The following NR2F1-AS1 variants were observed in gnomAD, a reference collection of about 807,000 sequenced individuals.
NR2F1-AS1 encodes the protein NR2F1 regulatory antisense RNA 1.
chr5:93,571,778 A>G (rs1051302944), intron 1 of NR2F1-AS1, among the ~76,000 whole-genome samples: 4 of 151,882 alleles, frequency 2.6e-5, no homozygotes, highest in Non-Finnish European at 4.4e-5. Flanking sequence ...TCCAAAGGTA[A>G]AACAAGAGAC....
chr5:93,526,782 G>T (rs565139373), intron 4 of NR2F1-AS1, among the ~76,000 whole-genome samples: 1 of 152,060 alleles, frequency 6.6e-6, no homozygotes, highest in African/African-American at 2.4e-5. Context: ...AAAGGCCTTC[G>T]ATAAAATTTA....
chr5:93,422,837 C>T (rs962031965), intron 4 of NR2F1-AS1, among the ~76,000 whole-genome samples: 1 of 152,200 alleles, frequency 6.6e-6, no homozygotes, highest in Middle Eastern at 3.4e-3. Flanking sequence ...AACAATTTTC[C>T]TCAGCTGGAT....
At chr5:93,483,876 T>C (rs1750655976) in intron 4 of NR2F1-AS1, among the ~76,000 whole-genome samples, 1 of 152,028 alleles carries the variant, frequency 6.6e-6, no homozygotes, top group South Asian at 2.1e-4. Context: ...CTCAATGAAA[T>C]AAACTGTGAA....
chr5:93,446,816 C>T (rs1405493985), intron 4 of NR2F1-AS1, among the ~76,000 whole-genome samples: 1 of 152,136 alleles, frequency 6.6e-6, no homozygotes, highest in Non-Finnish European at 1.5e-5. Context: ...TACAAGGCTA[C>T]AGTATTCAAA....
intron 4 of NR2F1-AS1, among the ~76,000 whole-genome samples, chr5:93,498,236 T>C (rs1238126606): frequency 1.3e-5 from 2 of 152,044 alleles, no homozygotes; most frequent in East Asian, 1.9e-4. Flanking sequence ...ATAATAATAA[T>C]ATATTTTGGG....
intron 4 of NR2F1-AS1, among the ~76,000 whole-genome samples, chr5:93,433,430 CA>C (rs1358419267): frequency 6.6e-6 from 1 of 152,122 alleles, no homozygotes; most frequent in African/African-American, 2.4e-5. Context: ...CTCTAAGAAA[CA>C]AAGAAATGAT....
At chr5:93,490,480 G>A (rs557687582) in intron 4 of NR2F1-AS1, among the ~76,000 whole-genome samples, 21 of 151,132 alleles carry the variant, frequency 1.4e-4, no homozygotes, top group Non-Finnish European at 1.9e-4. Flanking sequence ...GGGTAGTGGC[G>A]GTGGCAGTGG....
chr5:93,464,968 T>C (rs1460908438), intron 4 of NR2F1-AS1, among the ~76,000 whole-genome samples: 1 of 152,204 alleles, frequency 6.6e-6, no homozygotes, highest in Non-Finnish European at 1.5e-5. Context: ...TGAATAACCA[T>C]CTCCCATTCC....
At chr5:93,507,068 A>G (rs1225841614) in intron 4 of NR2F1-AS1, among the ~76,000 whole-genome samples, 1 of 152,226 alleles carries the variant, frequency 6.6e-6, no homozygotes. Flanking sequence ...TTAGTAATGT[A>G]ATCTGCCATA....
chr5:93,494,785 T>A (rs1750923954), intron 4 of NR2F1-AS1, among the ~76,000 whole-genome samples: 1 of 152,124 alleles, frequency 6.6e-6, no homozygotes, highest in African/African-American at 2.4e-5. Context: ...ACACAAAAAC[T>A]TGCACATGAA....
At chr5:93,441,329 T>A (rs182145404) in intron 4 of NR2F1-AS1, among the ~76,000 whole-genome samples, 1 of 152,334 alleles carries the variant, frequency 6.6e-6, no homozygotes, top group East Asian at 1.9e-4. Context: ...AAGAGAAGCT[T>A]AGAATGCTGC....
At chr5:93,422,496 CA>C (rs1199874967) in intron 4 of NR2F1-AS1, 13 of 152,282 alleles carry the variant, frequency 8.5e-5, no homozygotes, top group African/African-American at 3.1e-4. Context: ...GTTTTACTTA[CA>C]ATACATTCAT....
At chr5:93,474,853 G>A (rs571865855) in intron 4 of NR2F1-AS1, among the ~76,000 whole-genome samples, 4 of 152,232 alleles carry the variant, frequency 2.6e-5, no homozygotes, top group South Asian at 2.1e-4. Context: ...GGCCAGGTGC[G>A]GTGGCTCACG....
intron 4 of NR2F1-AS1, among the ~76,000 whole-genome samples, chr5:93,539,748 G>C (rs1228565187): frequency 6.6e-6 from 1 of 152,132 alleles, no homozygotes; most frequent in African/African-American, 2.4e-5. Flanking sequence ...CAAACAGCAA[G>C]AAGAGAGGCC....
At chr5:93,533,709 G>C (rs1329141566) in intron 4 of NR2F1-AS1, among the ~76,000 whole-genome samples, 1 of 152,178 alleles carries the variant, frequency 6.6e-6, no homozygotes, top group African/African-American at 2.4e-5. Context: ...CTATGAGATA[G>C]ATATTACTAT....
chr5:93,470,060 C>G (rs893910635), intron 4 of NR2F1-AS1, among the ~76,000 whole-genome samples: 2 of 152,006 alleles, frequency 1.3e-5, no homozygotes, highest in African/African-American at 4.8e-5. Flanking sequence ...GAAAATAACT[C>G]ATAGCCACAA....
In NR2F1-AS1 at chr5:93,446,817, A is replaced by C. The variant is rs187498353; in HGVS notation, n.639-51275T>G. The stretch of plus-strand genomic sequence containing the variant: ...ACTTCAAACTATACTACAAGGCTAC[A>C]GTATTCAAAACAGCATGGTACTGGT... On this transcript the variant is annotated intron_variant and non_coding_transcript_variant, in intron 4 of 5. Coordinates refer to ENST00000660523, the Ensembl canonical transcript of NR2F1-AS1. 3.2e-4 allele frequency among the ~76,000 whole-genome samples: 49 copies of C among 152,344 alleles called. 1 individual carries two copies. In the East Asian group the frequency reaches 6.6e-3, roughly 20 times the overall value.
intron 4 of NR2F1-AS1, among the ~76,000 whole-genome samples, chr5:93,448,745 C>G (rs1442464128): frequency 1.3e-5 from 2 of 152,166 alleles, no homozygotes; most frequent in Non-Finnish European, 2.9e-5. Flanking sequence ...GGTAGGAGCT[C>G]CCTCTTACTC....
At chr5:93,576,742 A>G (rs1752904875) in intron 1 of NR2F1-AS1, among the ~76,000 whole-genome samples, 1 of 152,208 alleles carries the variant, frequency 6.6e-6, no homozygotes, top group African/African-American at 2.4e-5. Flanking sequence ...CTGATGGGCT[A>G]ATCCTGTAGT....
Sources: allele counts gnomAD v4.1 joint callset (sites outside exome capture counted in the v4.1 genomes callset), GRCh38; gene constraint gnomAD v4.1.1; transcripts MANE v1.5; gene names NCBI Gene and HGNC (gene_info 2026-07-23, HGNC 2026-07-21).